The following PCDH9 variants were observed in gnomAD, a reference collection of about 807,000 sequenced individuals.
PCDH9 encodes protocadherin-9.
Under a neutral mutation model 70.6 loss-of-function variants are expected in PCDH9, and 24 were observed. The ratio of observed to expected loss-of-function variants is 0.34; its 90% CI spans 0.25 to 0.48. PCDH9 has a LOEUF of 0.48. Ranked by LOEUF, PCDH9 falls within the 20% of genes least tolerant of loss-of-function variation. PCDH9 has a pLI of 0.99. For missense variants in PCDH9, 1,281 were observed against 1,503.6 expected, an observed-to-expected ratio of 0.85 and a Z score of 2.45; for synonymous variants, 562 against 558.5, an observed-to-expected ratio of 1.01 and a Z score of -0.09.
chr13:66,759,065 C>T (rs890301745), intron 3 of PCDH9, among the ~76,000 whole-genome samples: 11 of 151,888 alleles, frequency 7.2e-5, no homozygotes, highest in African/African-American at 2.2e-4. Context: ...CCTCAAAAAG[C>T]CAACTCTTTG....
intron 3 of PCDH9, among the ~76,000 whole-genome samples, chr13:66,848,927 C>CAAAAAA (rs745587776): frequency 3.9e-5 from 2 of 51,292 alleles, no homozygotes; most frequent in African/African-American, 8.1e-5. Context: ...GACTCCGTCT[C>CAAAAAA]AAAAAAAAAA....
chr13:66,348,862 A>G (rs1054524293), intron 4 of PCDH9, among the ~76,000 whole-genome samples: 1 of 152,012 alleles, frequency 6.6e-6, no homozygotes, highest in African/African-American at 2.4e-5. Context: ...TCTGAAAACC[A>G]TGTTGTTCTT....
intron 3 of PCDH9, among the ~76,000 whole-genome samples, chr13:66,830,441 A>T (rs1178813868): frequency 1.3e-5 from 2 of 152,222 alleles, no homozygotes; most frequent in South Asian, 4.1e-4. Flanking sequence ...CTCAACGTTA[A>T]TAAATATATT....
At chr13:66,460,132 T>G (rs572161574) in intron 4 of PCDH9, among the ~76,000 whole-genome samples, 1 of 147,502 alleles carries the variant, frequency 6.8e-6, no homozygotes, top group South Asian at 2.1e-4. Context: ...TGCAGAGATA[T>G]AAAACATAAA....
chr13:66,586,527 T>C (rs1188450860), intron 4 of PCDH9, among the ~76,000 whole-genome samples: 4 of 152,142 alleles, frequency 2.6e-5, no homozygotes, highest in African/African-American at 4.8e-5. Flanking sequence ...TCCAGGAGGC[T>C]AGCCCAGGCT....
chr13:67,090,089 T>C (rs1397252583), intron 2 of PCDH9, among the ~76,000 whole-genome samples: 1 of 152,030 alleles, frequency 6.6e-6, no homozygotes, highest in East Asian at 1.9e-4. Context: ...ACTATTAGAA[T>C]GGAAGAATTT....
intron 4 of PCDH9, among the ~76,000 whole-genome samples, chr13:66,440,942 C>G (rs977932932): frequency 5.9e-5 from 9 of 152,116 alleles, no homozygotes; most frequent in Non-Finnish European, 1.3e-4. Flanking sequence ...CATATATCAG[C>G]TACACAGCCA....
intron 2 of PCDH9, among the ~76,000 whole-genome samples, chr13:67,025,186 G>A (rs1022963986): frequency 2.6e-5 from 4 of 152,054 alleles, no homozygotes; most frequent in South Asian, 2.1e-4. Context: ...GGTGCTATAT[G>A]CTAATTTTTT....
chr13:66,415,695 A>G (rs1957448556), intron 4 of PCDH9, among the ~76,000 whole-genome samples: 1 of 152,204 alleles, frequency 6.6e-6, no homozygotes, highest in South Asian at 2.1e-4. Flanking sequence ...TCTCAAAGGC[A>G]GATAGGTAAG....
chr13:67,177,462 C>T lies in PCDH9; in HGVS notation c.3036+47943G>A, dbSNP rs116232294. ...TCTTTACCAAATCGAGTTAATTTAT[C>T]AGCCTTTACTTTACTTTTATCTTGA... On this transcript the variant is annotated intron_variant, in intron 2 of 4. Transcript: ENST00000377865. Among the ~76,000 whole-genome samples the T allele has an allele frequency of 4.4e-3, 663 of 152,190 alleles. 3 individuals carry two copies. The highest frequency in any genetic ancestry group is 0.014 in the African/African-American group (583 of 41,556).
At chr13:66,520,519 C>G (rs1055908466) in intron 4 of PCDH9, among the ~76,000 whole-genome samples, 2 of 152,190 alleles carry the variant, frequency 1.3e-5, no homozygotes, top group African/African-American at 4.8e-5. Flanking sequence ...ACCTGTGATG[C>G]AAAGCAATCT....
At chr13:67,079,760 C>G (rs1410279997) in intron 2 of PCDH9, among the ~76,000 whole-genome samples, 3 of 152,138 alleles carry the variant, frequency 2.0e-5, no homozygotes, top group African/African-American at 7.2e-5. Flanking sequence ...CCTTTGAAGT[C>G]TGGAAAGAGA....
rs913519671 is a variant in PCDH9, at chr13:66,760,821, G to A, written c.3139-129410C>T. ...GAATGCATTCCCAGGGGGAGGTCTC[G>A]AAAATGGCTGCTCTGGGAGTGTCTA... On this transcript the variant is annotated intron_variant, in intron 3 of 4. Transcript: ENST00000377865. 1.7e-4 allele frequency among the ~76,000 whole-genome samples: 26 copies of A among 152,202 alleles called. No homozygotes were observed. In the East Asian group the frequency reaches 2.3e-3, roughly 14 times the overall value.
At chr13:66,937,883 T>C (rs2082943000) in intron 2 of PCDH9, among the ~76,000 whole-genome samples, 1 of 152,180 alleles carries the variant, frequency 6.6e-6, no homozygotes, top group South Asian at 2.1e-4. Flanking sequence ...TCTGTGAATC[T>C]GCTGTCATTC....
chr13:66,856,807 A>T (rs1349321429), intron 3 of PCDH9, among the ~76,000 whole-genome samples: 1 of 152,028 alleles, frequency 6.6e-6, no homozygotes, highest in East Asian at 1.9e-4. Flanking sequence ...ACTTAATCTC[A>T]TCTATACTTA....
chr13:67,192,859 C>T (rs2088955299), intron 2 of PCDH9, among the ~76,000 whole-genome samples: 1 of 152,092 alleles, frequency 6.6e-6, no homozygotes, highest in South Asian at 2.1e-4. Context: ...CACATGTAAA[C>T]TCTGTTTTTA....
At position 66,447,604 on chromosome 13, in the gene PCDH9, G is replaced by C. The variant is rs536993778; in HGVS notation, c.3341-142576C>G. On this transcript the variant is annotated intron_variant, in intron 4 of 4. Coordinates refer to ENST00000377865, the MANE Select transcript of PCDH9 (RefSeq NM_203487.3). Reference sequence around the variant, plus strand: ...ATTAGGACTGGATTCTATTTTGTCAGTCTGTCATTTATTGTAGCAAGTTTT... The same window carrying C: ...ATTAGGACTGGATTCTATTTTGTCACTCTGTCATTTATTGTAGCAAGTTTT... Among the ~76,000 whole-genome samples the C allele has an allele frequency of 2.8e-4, 42 of 152,194 alleles. 1 individual carries two copies. The highest frequency in any genetic ancestry group is 1.2e-3 in the Admixed American group (18 of 15,284).
intron 3 of PCDH9, among the ~76,000 whole-genome samples, chr13:66,783,510 G>C (rs951088523): frequency 2.0e-5 from 3 of 152,110 alleles, no homozygotes; most frequent in Non-Finnish European, 4.4e-5. Context: ...ATGAACAATA[G>C]AAGAAATTAA....
At chr13:66,943,047 G>T (rs1278959076) in intron 2 of PCDH9, among the ~76,000 whole-genome samples, 1 of 151,968 alleles carries the variant, frequency 6.6e-6, no homozygotes, top group African/African-American at 2.4e-5. Flanking sequence ...GGAGCATTAT[G>T]ACTCATTTAC....
Sources: gnomAD v4.1 joint callset for allele counts (sites outside exome capture counted in the v4.1 genomes callset) on GRCh38, gnomAD v4.1.1 for gene constraint, MANE v1.5 for transcripts, NCBI Gene and HGNC (gene_info 2026-07-23, HGNC 2026-07-21) for gene names.